The following SMURF2 variants were observed in gnomAD, a reference collection of about 807,000 sequenced individuals.
SMURF2 encodes the protein SMAD specific E3 ubiquitin protein ligase 2.
SMURF2 carries 48 observed loss-of-function variants against 109.6 expected under a neutral mutation model. The observed-to-expected ratio is 0.44, with a 90% confidence interval of 0.35 to 0.56. SMURF2 has a LOEUF of 0.56. Ranked by LOEUF, SMURF2 falls within the 20% of genes least tolerant of loss-of-function variation. SMURF2 has a pLI of 0.01. For missense variants in SMURF2, 575 were observed against 909.0 expected, an observed-to-expected ratio of 0.63 and a Z score of 4.72; for synonymous variants, 288 against 317.1, an observed-to-expected ratio of 0.91 and a Z score of 0.97.
At chr17:64,550,973 A>G (rs1348058108) in intron 16 of SMURF2, among the ~76,000 whole-genome samples, 1 of 152,192 alleles carries the variant, frequency 6.6e-6, no homozygotes, top group East Asian at 1.9e-4. Flanking sequence ...GAATAGACAT[A>G]TATTGGAAGA....
intron 1 of SMURF2, among the ~76,000 whole-genome samples, 189 bp from the exon 2 acceptor site, chr17:64,606,829 T>A (rs1969977739): frequency 6.6e-6 from 1 of 152,126 alleles, no homozygotes; most frequent in African/African-American, 2.4e-5. Context: ...CTTTCAATGA[T>A]CACCAGTAAT....
chr17:64,649,357 G>A (rs1283165130), intron 1 of SMURF2, among the ~76,000 whole-genome samples: 1 of 152,054 alleles, frequency 6.6e-6, no homozygotes, highest in Non-Finnish European at 1.5e-5. Flanking sequence ...GCATGCTACA[G>A]AGGAATTTAT....
At chr17:64,588,826 T>C (rs1406757702) in intron 5 of SMURF2, among the ~76,000 whole-genome samples, 3 of 152,128 alleles carry the variant, frequency 2.0e-5, no homozygotes, top group African/African-American at 7.2e-5. Context: ...GGTTTCACCA[T>C]GCTGGCCAGG....
intron 1 of SMURF2, among the ~76,000 whole-genome samples, chr17:64,635,809 T>A (rs1298755635): frequency 1.3e-5 from 2 of 152,222 alleles, no homozygotes; most frequent in South Asian, 2.1e-4. Context: ...TGTGAACATA[T>A]GTTTTCAGTT....
rs1555686593 is a variant in SMURF2 at position 64,581,952 on chromosome 17, C to T, written c.570-961G>A. On this transcript the variant is annotated intron_variant, in intron 7 of 18. Transcript: ENST00000262435. The surrounding 1 kb of genome is among the most constrained non-coding windows in gnomAD (Gnocchi z 4.3). ...CTCTAGCCTAGGCAATAGAGCGGGA[C>T]TCCATCTCCAAAAAAAAAAAAAAAT... 6.7e-6 allele frequency among the ~76,000 whole-genome samples: 1 copy of T among 149,260 alleles called. No homozygotes were observed. Among genetic ancestry groups the T allele is most frequent in the African/African-American group, 2.5e-5 (1 of 40,504 alleles).
intron 14 of SMURF2, among the ~76,000 whole-genome samples, chr17:64,555,473 C>T (rs556915069): frequency 1.5e-4 from 23 of 152,330 alleles, no homozygotes; most frequent in South Asian, 4.1e-4. Context: ...ACGGTTCCAA[C>T]AATCGCCACT....
chr17:64,584,728 G>A (rs1231816586), intron 6 of SMURF2, among the ~76,000 whole-genome samples: 1 of 152,108 alleles, frequency 6.6e-6, no homozygotes, highest in Non-Finnish European at 1.5e-5. Context: ...CTACAGAAAT[G>A]TGATAATGTT....
chr17:64,593,586 AC>A lies in SMURF2; in HGVS notation c.201-14del. On this transcript the variant is annotated splice_polypyrimidine_tract_variant and intron_variant, in intron 3 of 18. Coordinates refer to ENST00000262435, the MANE Select transcript of SMURF2 (RefSeq NM_022739.4). ...CTTTCCAATATACCTAAAAAACAAA[AC>A]GGCTGCATGAGTAACTTGGTAGTTA... is the stretch of plus-strand genomic sequence containing the variant. 1 of 1,518,114 alleles carries A rather than the reference AC, an allele frequency of 6.6e-7. No homozygotes were observed. Among genetic ancestry groups the A allele is most frequent in the South Asian group, 1.3e-5 (1 of 74,184 alleles). The allele number at this position is 1,518,114 out of a possible 1,614,324, so 94.0% of individuals were successfully genotyped here. A position where few individuals can be genotyped will look rare whatever the true frequency, so the allele number is the denominator to read the frequency against.
At chr17:64,610,651 A>C (rs1970031309) in intron 1 of SMURF2, among the ~76,000 whole-genome samples, 2 of 152,208 alleles carry the variant, frequency 1.3e-5, no homozygotes, top group Admixed American at 1.3e-4. Flanking sequence ...GAAATACCTA[A>C]TGTAGATGAT....
intron 5 of SMURF2, among the ~76,000 whole-genome samples, chr17:64,588,286 A>G (rs1969695406): frequency 6.6e-6 from 1 of 152,070 alleles, no homozygotes; most frequent in African/African-American, 2.4e-5. Flanking sequence ...AGTTTTAAAC[A>G]AGGAAAAAAG....
intron 12 of SMURF2, among the ~76,000 whole-genome samples, chr17:64,558,463 C>T (rs536760645): frequency 1.3e-5 from 2 of 151,858 alleles, no homozygotes; most frequent in Non-Finnish European, 2.9e-5. Context: ...CCAGTTTATA[C>T]AGACATATAA....
intron 2 of SMURF2, among the ~76,000 whole-genome samples, chr17:64,603,600 AC>A (rs1295785056): frequency 2.0e-5 from 3 of 151,436 alleles, no homozygotes; most frequent in African/African-American, 4.9e-5. Context: ...AAAAAAAAAA[AC>A]ATAATGAATA....
At chr17:64,596,037 G>A (rs1366692595) in intron 3 of SMURF2, among the ~76,000 whole-genome samples, 1 of 147,312 alleles carries the variant, frequency 6.8e-6, no homozygotes, top group Admixed American at 6.9e-5. Flanking sequence ...ATAAACCACT[G>A]ATTTTTTTTT....
intron 1 of SMURF2, among the ~76,000 whole-genome samples, chr17:64,637,969 T>C (rs1487704910): frequency 6.8e-6 from 1 of 147,676 alleles, no homozygotes; most frequent in Non-Finnish European, 1.5e-5. Flanking sequence ...TGTATAATTT[T>C]CTTTCTGGAC....
At chr17:64,563,932 G>C (rs1969263651) in intron 10 of SMURF2, among the ~76,000 whole-genome samples, 1 of 152,064 alleles carries the variant, frequency 6.6e-6, no homozygotes, top group African/African-American at 2.4e-5. Flanking sequence ...CTCTTCAAAA[G>C]ACACTGTTTA....
At chr17:64,557,491 T>C in intron 13 of SMURF2, 117 bp downstream of exon 13, 1 of 692,798 alleles carries the variant, frequency 1.4e-6, no homozygotes, top group East Asian at 3.0e-5. Flanking sequence ...GGGGAATTGC[T>C]GAGTCAAAGG....
Position 64,544,120 on chromosome 17 carries a change from C to T in SMURF2, c.*1728G>A. 1 of 152,190 alleles carries T rather than the reference C, an allele frequency of 6.6e-6. No homozygotes were observed. Among genetic ancestry groups the T allele is most frequent in the East Asian group, 1.9e-4 (1 of 5,192 alleles). The allele number at this position is 152,190 out of a possible 1,614,324, so 9.4% of individuals were successfully genotyped here. Reference sequence around the variant, plus strand: ...CACTTTTTTTATCCCATCCATTCCTCCCCGCCCCACTGCACCCCATGAAAG... The same window carrying T: ...CACTTTTTTTATCCCATCCATTCCTTCCCGCCCCACTGCACCCCATGAAAG... On this transcript the variant is annotated 3_prime_UTR_variant, in exon 19 of 19. Coordinates refer to ENST00000262435, the MANE Select transcript of SMURF2 (RefSeq NM_022739.4).
chr17:64,600,225 C>T (rs1969875214), intron 2 of SMURF2, among the ~76,000 whole-genome samples: 2 of 152,116 alleles, frequency 1.3e-5, no homozygotes, highest in African/African-American at 4.8e-5. Flanking sequence ...GAGAGCTATT[C>T]TGAAAGATCT....
At chr17:64,562,072 A>T (rs1969227486) in intron 11 of SMURF2, among the ~76,000 whole-genome samples, 2 of 152,078 alleles carry the variant, frequency 1.3e-5, no homozygotes, top group South Asian at 4.1e-4. Flanking sequence ...AGGCGGGCAT[A>T]TCACGAGGTC....
Sources: allele counts gnomAD v4.1 joint callset (sites outside exome capture counted in the v4.1 genomes callset), GRCh38; gene constraint gnomAD v4.1.1; non-coding constraint Gnocchi (gnomAD v3.1); transcripts MANE v1.5; gene names NCBI Gene and HGNC (gene_info 2026-07-23, HGNC 2026-07-21).